The following CLRN1 variants were observed in gnomAD, a reference collection of about 807,000 sequenced individuals.
CLRN1 encodes clarin 1.
A neutral mutation model predicts 18.7 loss-of-function variants in CLRN1; 15 were observed. That is an observed-to-expected ratio of 0.80 (90% CI 0.54 to 1.23). The LOEUF is 1.23. Ranked by LOEUF, CLRN1 falls within the 50% of genes most tolerant of loss-of-function variation. CLRN1 has a pLI of 0.00. For missense variants in CLRN1, 311 were observed against 277.5 expected, an observed-to-expected ratio of 1.12 and a Z score of -0.86; for synonymous variants, 104 against 102.9, an observed-to-expected ratio of 1.01 and a Z score of -0.07.
chr3:150,966,354 T>C (rs1434512611), intron 1 of CLRN1, among the ~76,000 whole-genome samples: 4 of 152,142 alleles, frequency 2.6e-5, no homozygotes, highest in African/African-American at 9.7e-5. Context: ...GTTAAACATA[T>C]TGGTCATTCC....
intron 1 of CLRN1, among the ~76,000 whole-genome samples, chr3:150,957,108 G>C (rs1714777986): frequency 6.6e-6 from 1 of 152,016 alleles, no homozygotes; most frequent in South Asian, 2.1e-4. Flanking sequence ...TGTGCTTTCA[G>C]ACTCATCCTT....
At chr3:150,961,374 C>T (rs1017595177) in intron 1 of CLRN1, among the ~76,000 whole-genome samples, 2 of 152,202 alleles carry the variant, frequency 1.3e-5, no homozygotes, top group Admixed American at 1.3e-4. Flanking sequence ...GATGGAGCCT[C>T]AGGATCAGTA....
Position 150,927,918 on chromosome 3 carries a change from T to G in CLRN1, c.*18A>C. 2 of 1,613,968 alleles carry G rather than the reference T, an allele frequency of 1.2e-6. No individual in the cohort carries two copies. Among genetic ancestry groups the G allele is most frequent in the Non-Finnish European group, 1.7e-6 (2 of 1,179,990 alleles). ...AAGCAAGTCTACTCCCTTGTAAAAT[T>G]ATAGAAAGGTTTGCCTTTCAGTACA... On this transcript the variant is annotated 3_prime_UTR_variant, in exon 3 of 3. Coordinates refer to ENST00000327047, the MANE Select transcript of CLRN1 (RefSeq NM_174878.3).
At chr3:150,932,658 G>A (rs974597934) in intron 2 of CLRN1, among the ~76,000 whole-genome samples, 2 of 152,192 alleles carry the variant, frequency 1.3e-5, no homozygotes, top group Non-Finnish European at 2.9e-5. Context: ...AACTTTACAA[G>A]TGTAGGTGTT....
chr3:150,949,098 A>G (rs1179267333), intron 1 of CLRN1, among the ~76,000 whole-genome samples: 1 of 152,204 alleles, frequency 6.6e-6, no homozygotes, highest in East Asian at 1.9e-4. Flanking sequence ...ACAGAACTAA[A>G]GACAAAAGCC....
intron 2 of CLRN1, among the ~76,000 whole-genome samples, chr3:150,941,225 A>G (rs1202797519): frequency 6.7e-6 from 1 of 149,822 alleles, no homozygotes; most frequent in Non-Finnish European, 1.5e-5. Flanking sequence ...TGTATTTTAT[A>G]TGTATATTCC....
intron 2 of CLRN1, among the ~76,000 whole-genome samples, chr3:150,929,558 C>A (rs1423908805): frequency 1.3e-5 from 2 of 152,192 alleles, no homozygotes; most frequent in African/African-American, 4.8e-5. Flanking sequence ...GTCTCAATTT[C>A]TTCATCTATA....
At position 150,927,698 on chromosome 3, in the gene CLRN1, A is replaced by G. The variant is rs970972405; in HGVS notation, c.*238T>C. On this transcript the variant is annotated 3_prime_UTR_variant, in exon 3 of 3. Coordinates refer to ENST00000327047, the MANE Select transcript of CLRN1 (RefSeq NM_174878.3). ...GAGTAACAATTTGTCGATTCTAGTC[A>G]ACTGCCTTTGACTACCTGGGTCAAG... 3 of 656,498 alleles carry G rather than the reference A, an allele frequency of 4.6e-6. No homozygotes were observed. In the African/African-American group the frequency reaches 5.3e-5, roughly 12 times the overall value. The allele number at this position is 656,498 out of a possible 1,614,324, so 40.7% of individuals were successfully genotyped here.
rs559700311 is a variant in CLRN1, at chr3:150,943,697, G to T, written c.254-1936C>A. On this transcript the variant is annotated intron_variant, in intron 1 of 2. Transcript: ENST00000327047. ...CCTTTGCCCTCACAGGCAGAGGGCA[G>T]CCACCCTACATGATGAAGCAAAGGG... is the stretch of plus-strand genomic sequence containing the variant. The T allele has an allele frequency of 9.8e-6, 15 of 1,526,006 alleles. No individual in the cohort carries two copies. In the African/African-American group the frequency reaches 1.5e-4, roughly 15 times the overall value. The allele number at this position is 1,526,006 out of a possible 1,614,324, so 94.5% of individuals were successfully genotyped here.
chr3:150,968,193 C>A (rs1223532319), intron 1 of CLRN1, among the ~76,000 whole-genome samples: 2 of 152,074 alleles, frequency 1.3e-5, no homozygotes, highest in African/African-American at 4.8e-5. Context: ...TCTTGGGTAT[C>A]ATATTTTGAT....
chr3:150,943,906 C>T, intron 1 of CLRN1: 1 of 1,613,286 alleles, frequency 6.2e-7, no homozygotes, highest in South Asian at 1.1e-5. Context: ...CACTCGTGTG[C>T]TCCCTCCTGC....
At chr3:150,960,333 A>G (rs980541922) in intron 1 of CLRN1, among the ~76,000 whole-genome samples, 1 of 152,144 alleles carries the variant, frequency 6.6e-6, no homozygotes, top group Admixed American at 6.5e-5. Flanking sequence ...CAATGTAGTG[A>G]GGTCCCAGGA....
At chr3:150,932,993 A>T (rs1460680360) in intron 2 of CLRN1, among the ~76,000 whole-genome samples, 1 of 152,232 alleles carries the variant, frequency 6.6e-6, no homozygotes, top group Non-Finnish European at 1.5e-5. Context: ...AAGTTTTACA[A>T]ATGTTATATT....
intron 2 of CLRN1, among the ~76,000 whole-genome samples, chr3:150,934,922 T>A (rs879498262): frequency 1.3e-5 from 2 of 152,020 alleles, no homozygotes; most frequent in Non-Finnish European, 2.9e-5. Flanking sequence ...CCCGCACCTC[T>A]ATTACAGGAG....
chr3:150,970,942 G>A (rs960746198), intron 1 of CLRN1, among the ~76,000 whole-genome samples: 2 of 152,190 alleles, frequency 1.3e-5, no homozygotes, highest in African/African-American at 4.8e-5. Context: ...TGTAGTAAGT[G>A]TTCAGAAAAC....
Position 150,972,552 on chromosome 3 carries a change from C to G in CLRN1, c.157G>C (p.Glu53Gln). The change falls in exon 1 of 3, where the codon GAG becomes CAG. Residue 53 changes from glutamate (E) to glutamine (Q), a missense_variant. Glu to Gln is a conservative substitution (Grantham distance 29). Transcript: ENST00000327047. ...GALLVNASGQ[E>Q]LDKFMGEMQY... ...ATTTCACCCATAAACTTGTCCAGCT[C>G]CTGCCCTGAGGCATTGACGAGCAGA... The G allele has an allele frequency of 6.2e-7, 1 of 1,614,258 alleles. No homozygotes were observed. Among genetic ancestry groups the G allele is most frequent in the Non-Finnish European group, 8.5e-7 (1 of 1,180,048 alleles).
chr3:150,967,342 C>A (rs1363720859), intron 1 of CLRN1, among the ~76,000 whole-genome samples: 1 of 152,080 alleles, frequency 6.6e-6, no homozygotes, highest in Non-Finnish European at 1.5e-5. Flanking sequence ...GAAGGTTTTT[C>A]TTTCACAATA....
downstream of CLRN1, chr3:150,926,537 G>T (rs971252691): frequency 3.3e-5 from 17 of 519,612 alleles, no homozygotes; most frequent in Middle Eastern, 5.4e-4. Context: ...AAATTGTCCA[G>T]GTGTATTTCC....
Position 150,927,999 on chromosome 3 carries a change from C to T in CLRN1, c.636G>A (p.Gln212=). 1 of 1,614,128 alleles carries T rather than the reference C, an allele frequency of 6.2e-7. No individual in the cohort carries two copies. The highest frequency in any genetic ancestry group is 8.5e-7 in the Non-Finnish European group (1 of 1,180,028). Residue 212 remains glutamine (Q), a synonymous_variant, in exon 3 of 3, where the codon CAG becomes CAA. Transcript: ENST00000327047. ...CGTCTTTAGATTTTGCAAAAGGGAACTGAAATCCAGCAAGTCGTATTAGGA... is the reference window on the plus strand; with the variant it reads ...CGTCTTTAGATTTTGCAAAAGGGAATTGAAATCCAGCAAGTCGTATTAGGA... ...NGLLIRLAGF[Q]FPFAKSKDAE...
Sources: allele counts gnomAD v4.1 joint callset (sites outside exome capture counted in the v4.1 genomes callset), GRCh38; gene constraint gnomAD v4.1.1; transcripts MANE v1.5; gene names NCBI Gene and HGNC (gene_info 2026-07-23, HGNC 2026-07-21).